The following CNTNAP2 variants were observed in gnomAD, a reference collection of about 807,000 sequenced individuals.
CNTNAP2 encodes the protein contactin-associated protein-like 2.
In CNTNAP2, 98 loss-of-function variants were observed where a neutral mutation model predicts 155.2. The ratio of observed to expected loss-of-function variants is 0.63; its 90% confidence interval spans 0.54 to 0.75. The LOEUF (loss-of-function observed/expected upper bound fraction) is 0.75. CNTNAP2 is among the 30% of genes least tolerant of loss of function. CNTNAP2 has a pLI of 0.00. For synonymous variants in CNTNAP2, 651 were observed against 631.2 expected, an observed-to-expected ratio of 1.03 and a Z score of -0.47; for missense variants, 1,727 against 1,688.1, an observed-to-expected ratio of 1.02 and a Z score of -0.40.
At chr7:147,719,212 A>G (rs1038483783) in intron 13 of CNTNAP2, among the ~76,000 whole-genome samples, 2 of 152,094 alleles carry the variant, frequency 1.3e-5, no homozygotes, top group Non-Finnish European at 2.9e-5. Context: ...TGGGTACCTA[A>G]GCACTGCCAA....
At chr7:147,985,853 C>T (rs1447504503) in intron 15 of CNTNAP2, among the ~76,000 whole-genome samples, 1 of 152,110 alleles carries the variant, frequency 6.6e-6, no homozygotes, top group African/African-American at 2.4e-5. Flanking sequence ...AGCTTCTGCC[C>T]TTAGGGCACT....
chr7:147,384,269 A>G (rs1796591824), intron 9 of CNTNAP2, among the ~76,000 whole-genome samples: 1 of 152,222 alleles, frequency 6.6e-6, no homozygotes. Context: ...AGTAAAGTAT[A>G]TATTACAGAA....
chr7:147,856,326 G>C (rs1189109939), intron 13 of CNTNAP2, among the ~76,000 whole-genome samples: 1 of 152,106 alleles, frequency 6.6e-6, no homozygotes, highest in Admixed American at 6.5e-5. Flanking sequence ...AAAAGAAATT[G>C]GCCAAGCAGC....
intron 21 of CNTNAP2, among the ~76,000 whole-genome samples, chr7:148,301,326 T>TTTTATATATATA (rs1797389134): frequency 7.2e-6 from 1 of 138,034 alleles, no homozygotes; most frequent in Non-Finnish European, 1.6e-5. Flanking sequence ...TATATATAGG[T>TTTTATATATATA]TAAAATGTCC....
intron 3 of CNTNAP2, among the ~76,000 whole-genome samples, chr7:147,040,178 C>G (rs1799231223): frequency 1.3e-5 from 2 of 151,982 alleles, no homozygotes; most frequent in South Asian, 2.1e-4. Context: ...GGCCAACAAG[C>G]CTATGAAAAA....
chr7:147,091,507 A>G (rs986326101), intron 4 of CNTNAP2, among the ~76,000 whole-genome samples: 10 of 152,102 alleles, frequency 6.6e-5, no homozygotes, highest in African/African-American at 2.2e-4. Context: ...GCTGGAGTGC[A>G]GTGGCACGAT....
chr7:146,620,493 T>G (rs914437309), intron 1 of CNTNAP2, among the ~76,000 whole-genome samples: 8 of 152,204 alleles, frequency 5.3e-5, no homozygotes, highest in East Asian at 1.9e-4. Context: ...AAATTGTGAC[T>G]GAGGGAGGTT....
intron 8 of CNTNAP2, among the ~76,000 whole-genome samples, chr7:147,262,776 A>C (rs879621548): frequency 4.6e-5 from 7 of 152,194 alleles, no homozygotes; most frequent in Admixed American, 3.3e-4. Flanking sequence ...ACTGCACTCC[A>C]GCCTGGGCGA....
intron 13 of CNTNAP2, among the ~76,000 whole-genome samples, chr7:147,726,176 C>T (rs1204098563): frequency 1.3e-5 from 2 of 151,904 alleles, no homozygotes; most frequent in East Asian, 1.9e-4. Context: ...CAGAGATCTC[C>T]TGTACAACGT....
At chr7:147,662,430 A>G (rs1795627143) in intron 13 of CNTNAP2, among the ~76,000 whole-genome samples, 1 of 152,244 alleles carries the variant, frequency 6.6e-6, no homozygotes, top group African/African-American at 2.4e-5. Flanking sequence ...ATTAAGGTGT[A>G]GGGGTTAGGC....
chr7:146,728,736 C>T (rs1449589715), intron 1 of CNTNAP2, among the ~76,000 whole-genome samples: 1 of 152,028 alleles, frequency 6.6e-6, no homozygotes, highest in Non-Finnish European at 1.5e-5. Flanking sequence ...GCTTTCTGTC[C>T]TTTTAGACAA....
At chr7:148,068,439 C>T (rs906569391) in intron 15 of CNTNAP2, among the ~76,000 whole-genome samples, 3 of 152,196 alleles carry the variant, frequency 2.0e-5, no homozygotes, top group Non-Finnish European at 4.4e-5. Flanking sequence ...CTCCTGTGAT[C>T]TGAATTTACA....
chr7:147,969,894 A>AT (rs1196338813), intron 14 of CNTNAP2, among the ~76,000 whole-genome samples: 2 of 151,416 alleles, frequency 1.3e-5, no homozygotes, highest in Admixed American at 6.6e-5. Context: ...CTTTTAAAAC[A>AT]TTTTTTAGTT....
intron 9 of CNTNAP2, among the ~76,000 whole-genome samples, chr7:147,312,171 T>A (rs1795139260): frequency 6.6e-6 from 1 of 152,104 alleles, no homozygotes; most frequent in Non-Finnish European, 1.5e-5. Context: ...CTCTTTCTAC[T>A]TTGGGTTCCC....
intron 15 of CNTNAP2, among the ~76,000 whole-genome samples, chr7:148,008,853 C>T (rs906298053): frequency 2.0e-5 from 3 of 152,192 alleles, no homozygotes; most frequent in African/African-American, 7.2e-5. Flanking sequence ...CTTAGTTAGC[C>T]AATTCTCCCT....
At chr7:146,861,861 T>A (rs1334016657) in intron 3 of CNTNAP2, among the ~76,000 whole-genome samples, 1 of 152,190 alleles carries the variant, frequency 6.6e-6, no homozygotes, top group Non-Finnish European at 1.5e-5. Flanking sequence ...TTTAGCAATC[T>A]GAACAGAGAT....
chr7:147,234,483 G>T (rs755257719), intron 8 of CNTNAP2, among the ~76,000 whole-genome samples: 1 of 151,584 alleles, frequency 6.6e-6, no homozygotes, highest in Admixed American at 6.6e-5. Flanking sequence ...GACTACAGGC[G>T]CCTGACACCA....
intron 1 of CNTNAP2, among the ~76,000 whole-genome samples, chr7:146,526,529 T>C (rs1364028362): frequency 1.3e-5 from 2 of 152,068 alleles, no homozygotes; most frequent in African/African-American, 4.8e-5. Flanking sequence ...GAACTCACTG[T>C]CACAAGGACA....
At chr7:147,586,827 C>A (rs954740285) in intron 12 of CNTNAP2, among the ~76,000 whole-genome samples, 2 of 151,986 alleles carry the variant, frequency 1.3e-5, no homozygotes, top group African/African-American at 4.8e-5. Flanking sequence ...ACACCTTTTT[C>A]TAATTCATGC....
Sources: gnomAD v4.1 joint callset for allele counts (sites outside exome capture counted in the v4.1 genomes callset) on GRCh38, gnomAD v4.1.1 for gene constraint, MANE v1.5 for transcripts, NCBI Gene and HGNC (gene_info 2026-07-23, HGNC 2026-07-21) for gene names.